LEKR1: variants seen among roughly 807,000 people sequenced by gnomAD.
The protein encoded by LEKR1 is leucine, glutamate and lysine rich 1.
Under a neutral mutation model 72.4 loss-of-function variants are expected in LEKR1, and 59 were observed. The observed-to-expected ratio is 0.82, with a 90% CI of 0.66 to 1.01. The LOEUF is 1.01. LEKR1 is among the 50% of genes least tolerant of loss of function. LEKR1 has a pLI of 0.00. For synonymous variants in LEKR1, 257 were observed against 263.2 expected (o/e 0.98, Z 0.23); for missense variants, 728 against 759.2 (o/e 0.96, Z 0.48).
In LEKR1 at chr3:156,913,124, G is replaced by C. The variant is rs7651881; in HGVS notation, c.264-7451G>C. 5.1e-3 allele frequency among the ~76,000 whole-genome samples: 774 copies of C among 152,238 alleles called. 8 individuals are homozygous for C. Among genetic ancestry groups the C allele is most frequent in the African/African-American group, 0.018 (746 of 41,530 alleles). On this transcript the variant is annotated intron_variant, in intron 3 of 12. Transcript: ENST00000356539. ...ATTCTAACACTGCTTCTAGTTTGCC[G>C]TCTTGGAAAATAAAATAGAATAGCT...
chr3:156,967,641 A>G (rs1025403839), intron 6 of LEKR1, among the ~76,000 whole-genome samples: 3 of 152,228 alleles, frequency 2.0e-5, no homozygotes, highest in Admixed American at 6.5e-5. Flanking sequence ...GACCAAATCT[A>G]CATCTGATTG....
At chr3:157,025,390 T>A (rs567327303) in intron 11 of LEKR1, among the ~76,000 whole-genome samples, 1 of 152,298 alleles carries the variant, frequency 6.6e-6, no homozygotes, top group Non-Finnish European at 1.5e-5. Context: ...TTAAACAGTA[T>A]GTTCTAAATA....
At chr3:156,922,420 A>G (rs900635286) in intron 4 of LEKR1, among the ~76,000 whole-genome samples, 5 of 152,006 alleles carry the variant, frequency 3.3e-5, no homozygotes, top group Non-Finnish European at 7.4e-5. Flanking sequence ...GGGATGAAAA[A>G]AAAAAAAGAG....
chr3:157,045,769 A>C lies in LEKR1; in HGVS notation c.*19A>C. The C allele has an allele frequency of 1.3e-6, 2 of 1,599,510 alleles. No homozygotes were observed. The highest frequency in any genetic ancestry group is 8.5e-7 in the Non-Finnish European group (1 of 1,176,408). On this transcript the variant is annotated 3_prime_UTR_variant, in exon 13 of 13. Transcript: ENST00000356539. Reference sequence around the variant, plus strand: ...GCAATGATCCAAAATGAGGAGCAGGAAGCTCCCTACAGCGTGCACGCTCTT... The same window carrying C: ...GCAATGATCCAAAATGAGGAGCAGGCAGCTCCCTACAGCGTGCACGCTCTT...
intron 2 of LEKR1, among the ~76,000 whole-genome samples, chr3:156,846,434 A>G (rs760832684): frequency 1.3e-5 from 2 of 151,438 alleles, no homozygotes; most frequent in East Asian, 1.9e-4. Flanking sequence ...ACTACTAATT[A>G]TAATAAAGCT....
At chr3:156,831,163 G>A (rs968601142) in intron 2 of LEKR1, among the ~76,000 whole-genome samples, 2 of 152,100 alleles carry the variant, frequency 1.3e-5, no homozygotes, top group Non-Finnish European at 2.9e-5. Flanking sequence ...TCATAGGGGT[G>A]TAGAAAATGG....
At chr3:156,852,340 A>T (rs950335662) in intron 2 of LEKR1, among the ~76,000 whole-genome samples, 1 of 152,224 alleles carries the variant, frequency 6.6e-6, no homozygotes, top group African/African-American at 2.4e-5. Context: ...GTGAAATGTC[A>T]TAATTTTACA....
intron 3 of LEKR1, among the ~76,000 whole-genome samples, chr3:156,859,648 A>C (rs1472144092): frequency 6.6e-6 from 1 of 152,214 alleles, no homozygotes; most frequent in Admixed American, 6.5e-5. Flanking sequence ...TATACATTCT[A>C]AGGGGTTTGA....
At chr3:157,030,525 TA>T (rs1300236769) in intron 12 of LEKR1, among the ~76,000 whole-genome samples, 1 of 152,108 alleles carries the variant, frequency 6.6e-6, no homozygotes, top group Non-Finnish European at 1.5e-5. Context: ...GAATTTATCA[TA>T]AAAAAAGCAT....
chr3:156,860,160 A>G (rs1716604287), intron 3 of LEKR1, among the ~76,000 whole-genome samples: 1 of 152,104 alleles, frequency 6.6e-6, no homozygotes, highest in Admixed American at 6.6e-5. Context: ...GGACTACTCC[A>G]TCTTGGTGGA....
At chr3:156,899,735 CAT>C (rs1276309857) in intron 3 of LEKR1, among the ~76,000 whole-genome samples, 1,356 of 131,602 alleles carry the variant, frequency 0.01, 51 homozygotes, top group Non-Finnish European at 0.013. Context: ...CATATATACA[CAT>C]ATATACATGC....
intron 5 of LEKR1, among the ~76,000 whole-genome samples, chr3:156,941,535 T>C (rs1442009264): frequency 6.6e-6 from 1 of 152,112 alleles, no homozygotes; most frequent in African/African-American, 2.4e-5. Flanking sequence ...GTTTCTGCTG[T>C]GGTGGCACCA....
At chr3:156,899,597 T>C (rs1191459176) in intron 3 of LEKR1, among the ~76,000 whole-genome samples, 1 of 144,992 alleles carries the variant, frequency 6.9e-6, no homozygotes, top group Non-Finnish European at 1.5e-5. Context: ...TATATATACA[T>C]ATACGTATAT....
At chr3:156,936,246 G>A (rs551437534) in intron 5 of LEKR1, among the ~76,000 whole-genome samples, 46 of 152,084 alleles carry the variant, frequency 3.0e-4, no homozygotes, top group Admixed American at 9.2e-4. Context: ...GAGAAGGGCC[G>A]CACAAACCAA....
chr3:156,846,197 T>TA (rs1431785961), intron 2 of LEKR1, among the ~76,000 whole-genome samples: 1 of 152,220 alleles, frequency 6.6e-6, no homozygotes, highest in African/African-American at 2.4e-5. Context: ...TTGCTGAACT[T>TA]ACTAGTTCTA....
chr3:156,829,156 G>C (rs776534502), intron 1 of LEKR1, 130 bp from the exon 2 acceptor site: 3 of 536,252 alleles, frequency 5.6e-6, no homozygotes, highest in Non-Finnish European at 1.0e-5. Context: ...ACATTGAGCT[G>C]ATGAAATAAG....
intron 3 of LEKR1, among the ~76,000 whole-genome samples, chr3:156,865,131 T>G (rs969917515): frequency 6.6e-6 from 1 of 151,998 alleles, no homozygotes; most frequent in Admixed American, 6.6e-5. Flanking sequence ...CTCTTTCTAC[T>G]TGTGTTCTAC....
At chr3:156,978,438 TA>T (rs2107998212) in intron 6 of LEKR1, among the ~76,000 whole-genome samples, 1 of 152,328 alleles carries the variant, frequency 6.6e-6, no homozygotes, top group Non-Finnish European at 1.5e-5. Flanking sequence ...TTTTCCATTA[TA>T]ACTTATTCTC....
chr3:157,040,230 TTGGATTATTGACTTAGAA>T (rs1230288485), intron 12 of LEKR1, among the ~76,000 whole-genome samples: 1 of 152,226 alleles, frequency 6.6e-6, no homozygotes, highest in Non-Finnish European at 1.5e-5. Flanking sequence ...CTAAATTAAG[TTGGATTATTGACTTAGAA>T]AAGTAAATGT....
Sources: allele counts gnomAD v4.1 joint callset (sites outside exome capture counted in the v4.1 genomes callset), GRCh38; gene constraint gnomAD v4.1.1; transcripts MANE v1.5; gene names NCBI Gene and HGNC (gene_info 2026-07-23, HGNC 2026-07-21).